The following ME2 variants were observed in gnomAD, a reference collection of about 807,000 sequenced individuals.
ME2 encodes the protein malic enzyme 2, also known as NAD-dependent malic enzyme, mitochondrial.
ME2 carries 60 observed loss-of-function variants against 73.7 expected under a neutral mutation model. The observed-to-expected ratio is 0.81, with a 90% CI of 0.66 to 1.01. The LOEUF is 1.01. Ranked by LOEUF, ME2 falls within the 50% of genes least tolerant of loss-of-function variation. ME2 has a pLI of 0.00. For synonymous variants in ME2, 199 were observed against 236.9 expected, an observed-to-expected ratio of 0.84 and a Z score of 1.47; for missense variants, 594 against 705.5, an observed-to-expected ratio of 0.84 and a Z score of 1.79.
intron 13 of ME2, 190 bp downstream of exon 13, chr18:50,932,550 T>C (rs1219350045): frequency 4.6e-6 from 2 of 435,524 alleles, no homozygotes; most frequent in Non-Finnish European, 8.2e-6. Context: ...TTCATATTGT[T>C]AATTAAATTT....
chr18:50,947,100 A>G lies in ME2; in HGVS notation c.1671A>G (p.Thr557=), dbSNP rs1918101961. ...EDKAKYVKER[T]WRSEYDSLLP... is the part of the protein sequence containing the mutation. ...AGGCCAAATATGTTAAAGAAAGAACATGGCGGAGTGAATATGATTCCCTGC... is the reference window on the plus strand; with the variant it reads ...AGGCCAAATATGTTAAAGAAAGAACGTGGCGGAGTGAATATGATTCCCTGC... The change falls in exon 16 of 16, where the codon ACA becomes ACG. Residue 557 remains threonine, a synonymous_variant. Coordinates refer to ENST00000321341, the MANE Select transcript of ME2 (RefSeq NM_002396.5). 6.2e-7 allele frequency: 1 copy of G among 1,614,126 alleles called. No homozygotes were observed.
intron 10 of ME2, 67 bp from the exon 11 acceptor site, chr18:50,924,031 A>T: frequency 2.1e-6 from 2 of 956,360 alleles, no homozygotes; most frequent in Non-Finnish European, 3.3e-6. Context: ...ACTCATAATG[A>T]TGTCTTTTTA....
intron 3 of ME2, among the ~76,000 whole-genome samples, chr18:50,909,859 A>G (rs2144220218): frequency 6.6e-6 from 1 of 152,240 alleles, no homozygotes; most frequent in South Asian, 2.1e-4. Flanking sequence ...GGGAAAGGAA[A>G]AAGGCATAGG....
At chr18:50,895,333 C>T (rs568848662) in intron 1 of ME2, among the ~76,000 whole-genome samples, 9 of 152,056 alleles carry the variant, frequency 5.9e-5, no homozygotes, top group African/African-American at 9.7e-5. Context: ...AATTCTAGTA[C>T]GTTAAATTTA....
At chr18:50,923,430 A>T (rs770281182) in intron 10 of ME2, among the ~76,000 whole-genome samples, 2 of 152,116 alleles carry the variant, frequency 1.3e-5, no homozygotes, top group Non-Finnish European at 2.9e-5. Flanking sequence ...GTAATATTTG[A>T]TATACGCCAT....
At chr18:50,928,717 C>T (rs1334937580) in intron 12 of ME2, among the ~76,000 whole-genome samples, 1 of 152,194 alleles carries the variant, frequency 6.6e-6, no homozygotes, top group Non-Finnish European at 1.5e-5. Context: ...TGCCCTTTCT[C>T]CTGATATCCA....
intron 3 of ME2, among the ~76,000 whole-genome samples, 166 bp from the exon 4 acceptor site, chr18:50,912,635 C>T (rs1041639495): frequency 6.6e-6 from 1 of 151,998 alleles, no homozygotes; most frequent in Non-Finnish European, 1.5e-5. Flanking sequence ...AATTTTTAGT[C>T]CTGGGTGTTA....
chr18:50,891,476 C>T (rs1916603435), intron 1 of ME2, among the ~76,000 whole-genome samples: 2 of 152,174 alleles, frequency 1.3e-5, no homozygotes, highest in Non-Finnish European at 2.9e-5. Context: ...TGAGAGGTCT[C>T]TGCAAAATTT....
intron 1 of ME2, among the ~76,000 whole-genome samples, chr18:50,893,642 GT>G (rs879764902): frequency 1.2e-4 from 19 of 152,306 alleles, no homozygotes; most frequent in Non-Finnish European, 2.4e-4. Flanking sequence ...TCTTAAAAGG[GT>G]CTCAAATCTC....
chr18:50,940,537 T>C, intron 15 of ME2, 151 bp downstream of exon 15: 1 of 615,450 alleles, frequency 1.6e-6, no homozygotes, highest in Non-Finnish European at 2.8e-6. Context: ...ATAACACACA[T>C]GATTATTTTG....
intron 1 of ME2, among the ~76,000 whole-genome samples, chr18:50,881,503 G>A (rs1916324391): frequency 6.6e-6 from 1 of 152,034 alleles, no homozygotes; most frequent in African/African-American, 2.4e-5. Context: ...TGATTTTATG[G>A]TGGCATATTG....
chr18:50,903,692 A>G (rs1352606705), intron 2 of ME2, among the ~76,000 whole-genome samples: 1 of 152,134 alleles, frequency 6.6e-6, no homozygotes, highest in Non-Finnish European at 1.5e-5. Context: ...CAAGCAATCT[A>G]TCCGTGCTGG....
intron 12 of ME2, among the ~76,000 whole-genome samples, chr18:50,931,292 A>T (rs566937544): frequency 2.8e-4 from 42 of 152,352 alleles, no homozygotes; most frequent in Non-Finnish European, 3.2e-4. Flanking sequence ...GTCATGCCAC[A>T]TGCCTGTGTT....
rs148250761 is a variant in ME2, at chr18:50,897,382, C to G, written c.108+1454C>G. Among the ~76,000 whole-genome samples, 496 of 152,244 alleles carry G rather than the reference C, an allele frequency of 3.3e-3. 2 individuals carry two copies. The highest frequency in any genetic ancestry group is 0.014 in the Middle Eastern group (4 of 294). ...TTTATAAAGTACATTGAGTGTCAAACAAGTTTGCAGATGGAGCATAGTCTA... is the reference window on the plus strand; with the variant it reads ...TTTATAAAGTACATTGAGTGTCAAAGAAGTTTGCAGATGGAGCATAGTCTA... On this transcript the variant is annotated intron_variant, in intron 2 of 15. Transcript: ENST00000321341.
chr18:50,895,298 A>C (rs1020037842), intron 1 of ME2, among the ~76,000 whole-genome samples: 2 of 152,212 alleles, frequency 1.3e-5, no homozygotes, highest in African/African-American at 4.8e-5. Context: ...TGTTTATATT[A>C]AATAACAGGT....
rs1918270609 is a variant in ME2 at position 50,953,804 on chromosome 18, GAACTTTCTT to G, written c.*6623_*6631del. ...TAATATAAAAATGTGTATGAAATAAGAACTTTCTTAAAAGACCTAGTTTAGCTAAATATA... is the reference window on the plus strand; with the variant it reads ...TAATATAAAAATGTGTATGAAATAAGAAAAGACCTAGTTTAGCTAAATATA... On this transcript the variant is annotated 3_prime_UTR_variant, in exon 16 of 16. Coordinates refer to ENST00000321341, the MANE Select transcript of ME2 (RefSeq NM_002396.5). 6.6e-6 allele frequency: 1 copy of G among 152,166 alleles called. No individual in the cohort carries two copies. Among genetic ancestry groups the G allele is most frequent in the African/African-American group, 2.4e-5 (1 of 41,450 alleles). The allele number at this position is 152,166 out of a possible 1,614,324, so 9.4% of individuals were successfully genotyped here.
rs188339921 is a variant in ME2 at position 50,926,657 on chromosome 18, C to T, written c.1314+759C>T. Among the ~76,000 whole-genome samples, 6 of 152,244 alleles carry T rather than the reference C, an allele frequency of 3.9e-5. No individual in the cohort carries two copies. In the East Asian group the frequency reaches 9.6e-4, roughly 24 times the overall value. On this transcript the variant is annotated intron_variant, in intron 12 of 15. Transcript: ENST00000321341. ...TAATTATATGGTTAGAGATATATCT[C>T]ATTTATCTTTTACACTGTTTTCTAT...
rs1008434706 is a variant in ME2, at chr18:50,953,525, G to C, written c.*6341G>C. On this transcript the variant is annotated 3_prime_UTR_variant, in exon 16 of 16. Coordinates refer to ENST00000321341, the MANE Select transcript of ME2 (RefSeq NM_002396.5). ...ATTCGACACGAACATTAAAGATTTGGTGTTGAATTTAATAAATTACACCAA... is the reference window on the plus strand; with the variant it reads ...ATTCGACACGAACATTAAAGATTTGCTGTTGAATTTAATAAATTACACCAA... The C allele has an allele frequency of 3.9e-5, 6 of 152,136 alleles. No homozygotes were observed. The highest frequency in any genetic ancestry group is 2.6e-4 in the Admixed American group (4 of 15,278). The allele number at this position is 152,136 out of a possible 1,614,324, so 9.4% of individuals were successfully genotyped here. A position where few individuals can be genotyped will look rare whatever the true frequency, so the allele number is the denominator to read the frequency against.
intron 7 of ME2, among the ~76,000 whole-genome samples, chr18:50,920,007 A>G (rs1351162464): frequency 1.3e-5 from 2 of 152,034 alleles, no homozygotes; most frequent in African/African-American, 2.4e-5. Flanking sequence ...TTCCCTTACT[A>G]CTTGAGCTCA....
Sources: allele counts gnomAD v4.1 joint callset (sites outside exome capture counted in the v4.1 genomes callset), GRCh38; gene constraint gnomAD v4.1.1; transcripts MANE v1.5; gene names NCBI Gene and HGNC (gene_info 2026-07-23, HGNC 2026-07-21).